The following SGIP1 variants were observed in gnomAD, a reference collection of about 807,000 sequenced individuals.
The protein encoded by SGIP1 is SH3-containing GRB2-like protein 3-interacting protein 1.
SGIP1 carries 38 observed loss-of-function variants against 107.5 expected under a neutral mutation model. The ratio of observed to expected loss-of-function variants is 0.35; its 90% confidence interval spans 0.27 to 0.46. The LOEUF (loss-of-function observed/expected upper bound fraction) is 0.46, where lower values mean the gene tolerates loss of function less well. SGIP1 is among the 20% of genes least tolerant of loss of function. The probability of loss-of-function intolerance (pLI) is 1.00; values close to 1 mark genes in which losing one functional copy is unlikely to be tolerated. For missense variants in SGIP1, 929 were observed against 1,019.5 expected, an observed-to-expected ratio of 0.91 and a Z score of 1.21; for synonymous variants, 365 against 366.1, an observed-to-expected ratio of 1.00 and a Z score of 0.03.
rs1268121106 is a variant in SGIP1, at chr1:66,749,064, G to A, written c.*5969G>A. ...GAATTCCTGTCATTTCAAATGAATTGTTATCTATTTTAAATTTCATTAGTA... is the reference window on the plus strand; with the variant it reads ...GAATTCCTGTCATTTCAAATGAATTATTATCTATTTTAAATTTCATTAGTA... On this transcript the variant is annotated 3_prime_UTR_variant, in exon 25 of 25. Coordinates refer to ENST00000371037, the MANE Select transcript of SGIP1 (RefSeq NM_032291.4). Among the ~76,000 whole-genome samples the A allele has an allele frequency of 6.6e-6, 1 of 151,884 alleles. No individual in the cohort carries two copies. Among genetic ancestry groups the A allele is most frequent in the Non-Finnish European group, 1.5e-5 (1 of 67,878 alleles).
At chr1:66,635,866 T>C (rs979335805) in intron 3 of SGIP1, 78 bp from the exon 4 acceptor site, 2 of 1,425,806 alleles carry the variant, frequency 1.4e-6, no homozygotes, top group Non-Finnish European at 9.8e-7. Flanking sequence ...GCTGACTCCA[T>C]GTAATTCTTT....
At chr1:66,626,137 C>CTTTTTTTTTTTTTTTTTTTTT (rs35959436) in intron 2 of SGIP1, 4 of 121,924 alleles carry the variant, frequency 3.3e-5, no homozygotes, top group African/African-American at 1.5e-4. Context: ...TTCTTTCTTT[C>CTTTTTTTTTTTTTTTTTTTTT]TTTTTTTTTT....
At chr1:66,587,014 C>T (rs2062730929) in intron 1 of SGIP1, among the ~76,000 whole-genome samples, 1 of 152,006 alleles carries the variant, frequency 6.6e-6, no homozygotes, top group Non-Finnish European at 1.5e-5. Context: ...AGATATTGTC[C>T]TGCTTTCCTC....
At chr1:66,675,541 C>CTTTTTCTTTTTTTTTTTTT (rs2085054529) in intron 12 of SGIP1, among the ~76,000 whole-genome samples, 1 of 112,394 alleles carries the variant, frequency 8.9e-6, no homozygotes, top group Non-Finnish European at 1.7e-5. Flanking sequence ...CTTTTTCTTT[C>CTTTTTCTTTTTTTTTTTTT]TTTTTTTTTT....
intron 18 of SGIP1, among the ~76,000 whole-genome samples, chr1:66,700,391 A>T (rs2091720732): frequency 7.0e-6 from 1 of 143,626 alleles, no homozygotes; most frequent in African/African-American, 2.6e-5. Context: ...AAAAAAAAAC[A>T]GAGTAATGAT....
intron 2 of SGIP1, 62 bp from the exon 3 acceptor site, chr1:66,633,008 T>C (rs2149397418): frequency 9.4e-7 from 1 of 1,063,440 alleles, no homozygotes; most frequent in Admixed American, 1.7e-5. Flanking sequence ...ACTGTTGTAC[T>C]TTAGTCTATG....
chr1:66,670,197 A>G (rs1483091640), intron 9 of SGIP1, among the ~76,000 whole-genome samples: 1 of 152,196 alleles, frequency 6.6e-6, no homozygotes, highest in Non-Finnish European at 1.5e-5. Context: ...ATCCCACACT[A>G]AGAACTTTTC....
At chr1:66,602,838 C>T (rs1436489716) in intron 1 of SGIP1, among the ~76,000 whole-genome samples, 1 of 152,072 alleles carries the variant, frequency 6.6e-6, no homozygotes, top group Non-Finnish European at 1.5e-5. Flanking sequence ...ACATTTAGCT[C>T]ATGGCAATAC....
chr1:66,662,717 G>T (rs567473604), intron 8 of SGIP1, among the ~76,000 whole-genome samples: 18 of 152,100 alleles, frequency 1.2e-4, no homozygotes, highest in Non-Finnish European at 2.5e-4. Flanking sequence ...TAAAATAAGA[G>T]TTATCTCTAA....
intron 1 of SGIP1, among the ~76,000 whole-genome samples, chr1:66,615,721 C>T (rs2069127590): frequency 6.6e-6 from 1 of 151,986 alleles, no homozygotes; most frequent in African/African-American, 2.4e-5. Flanking sequence ...TGAGAAGGAC[C>T]ATTAATTTAA....
At chr1:66,585,687 G>A (rs1319329132) in intron 1 of SGIP1, among the ~76,000 whole-genome samples, 3 of 151,804 alleles carry the variant, frequency 2.0e-5, no homozygotes, top group Non-Finnish European at 4.4e-5. Flanking sequence ...ACAGGGTTTC[G>A]TCGTGTTGGC....
intron 1 of SGIP1, among the ~76,000 whole-genome samples, chr1:66,538,405 G>A (rs1340599981): frequency 6.6e-6 from 1 of 152,044 alleles, no homozygotes; most frequent in African/African-American, 2.4e-5. Context: ...ATCTTCTCCA[G>A]TGTTCTGTAT....
At chr1:66,652,983 C>T (rs1337299896) in intron 7 of SGIP1, among the ~76,000 whole-genome samples, 6 of 152,084 alleles carry the variant, frequency 3.9e-5, no homozygotes, top group Non-Finnish European at 7.4e-5. Context: ...TGGTCTATAC[C>T]AGGGATATCA....
intron 7 of SGIP1, among the ~76,000 whole-genome samples, chr1:66,646,736 C>T (rs892599201): frequency 2.6e-5 from 4 of 152,186 alleles, no homozygotes; most frequent in Middle Eastern, 6.8e-3. Context: ...GTGTCAGAAG[C>T]AAGACAAATC....
At chr1:66,634,208 C>T (rs1406467124) in intron 3 of SGIP1, 7 of 1,512,812 alleles carry the variant, frequency 4.6e-6, no homozygotes, top group Non-Finnish European at 5.4e-6. Flanking sequence ...GGCTTGGTCC[C>T]CTCCCTGGGT....
chr1:66,612,737 C>A (rs2068298230), intron 1 of SGIP1, among the ~76,000 whole-genome samples: 1 of 152,172 alleles, frequency 6.6e-6, no homozygotes, highest in African/African-American at 2.4e-5. Flanking sequence ...AAGCTAAAAT[C>A]TGATGTCATG....
At chr1:66,670,557 G>T (rs1320618678) in intron 9 of SGIP1, among the ~76,000 whole-genome samples, 4 of 152,178 alleles carry the variant, frequency 2.6e-5, no homozygotes, top group Admixed American at 6.5e-5. Flanking sequence ...GTAAACTGAT[G>T]ACTGTTTCCA....
At position 66,729,260 on chromosome 1, in the gene SGIP1, C is replaced by A; in HGVS notation, c.1743-4C>A. ...TCTTTCCTCTCTGTGTTTTGATATG[C>A]CAGATGTATCGTTAAGATTACCGGA... On this transcript the variant is annotated splice_region_variant and splice_polypyrimidine_tract_variant and intron_variant, in intron 19 of 24. Transcript: ENST00000371037. 1 of 1,613,684 alleles carries A rather than the reference C, an allele frequency of 6.2e-7. No individual in the cohort carries two copies. Among genetic ancestry groups the A allele is most frequent in the Non-Finnish European group, 8.5e-7 (1 of 1,179,830 alleles).
At chr1:66,568,532 T>A (rs1381065778) in intron 1 of SGIP1, among the ~76,000 whole-genome samples, 2 of 152,090 alleles carry the variant, frequency 1.3e-5, no homozygotes, top group Non-Finnish European at 2.9e-5. Context: ...CAATACTATG[T>A]TGAATAGGAG....
Sources: allele counts gnomAD v4.1 joint callset (sites outside exome capture counted in the v4.1 genomes callset), GRCh38; gene constraint gnomAD v4.1.1; transcripts MANE v1.5; gene names NCBI Gene and HGNC (gene_info 2026-07-23, HGNC 2026-07-21).